The following TGFB1 variants were observed in gnomAD, a reference collection of about 807,000 sequenced individuals.
The protein encoded by TGFB1 is transforming growth factor beta-1 proprotein.
A neutral mutation model predicts 43.8 loss-of-function variants in TGFB1; 19 were observed. The observed-to-expected ratio is 0.43, with a 90% CI of 0.30 to 0.64. The LOEUF (loss-of-function observed/expected upper bound fraction) is 0.64. TGFB1 is among the 30% of genes least tolerant of loss of function. TGFB1 has a pLI of 0.11. For missense variants in TGFB1, 445 were observed against 529.8 expected, an observed-to-expected ratio of 0.84 and a Z score of 1.57; for synonymous variants, 221 against 236.3, an observed-to-expected ratio of 0.94 and a Z score of 0.60.
chr19:41,338,958 C>A (rs1406960443), intron 5 of TGFB1, among the ~76,000 whole-genome samples: 1 of 147,790 alleles, frequency 6.8e-6, no homozygotes, highest in Non-Finnish European at 1.5e-5. Context: ...TTTTTGGTTG[C>A]ATGGGGGGTA....
chr19:41,335,889 G>T (rs1459604136), intron 5 of TGFB1, among the ~76,000 whole-genome samples: 2 of 836 alleles, frequency 2.4e-3, no homozygotes, highest in South Asian at 0.042. Flanking sequence ...TCTACTTAGG[G>T]CCCCAGGGGA....
chr19:41,340,617 A>C (rs1229630683), intron 5 of TGFB1, among the ~76,000 whole-genome samples: 1 of 152,240 alleles, frequency 6.6e-6, no homozygotes, highest in East Asian at 1.9e-4. Flanking sequence ...CCAGCATTCT[A>C]ATATTCTAAC....
At chr19:41,350,884 CAGAT>C (rs1410702655) in intron 1 of TGFB1, 3 of 151,988 alleles carry the variant, frequency 2.0e-5, no homozygotes, top group Admixed American at 6.6e-5. Flanking sequence ...CTGGGGAAGA[CAGAT>C]AGGGAGGAAG....
At position 41,331,225 on chromosome 19, in the gene TGFB1, C is replaced by T; in HGVS notation, c.1015-15G>A. On this transcript the variant is annotated splice_polypyrimidine_tract_variant and intron_variant, in intron 6 of 6. Transcript: ENST00000221930. ...AGGGCCAGGACCTGCGGGCGGCGGGCGGGGTCAGGGCTCAGGGCTCGTGGA... is the reference window on the plus strand; with the variant it reads ...AGGGCCAGGACCTGCGGGCGGCGGGTGGGGTCAGGGCTCAGGGCTCGTGGA... 11 of 1,504,646 alleles carry T rather than the reference C, an allele frequency of 7.3e-6. No homozygotes were observed. Among genetic ancestry groups the T allele is most frequent in the Non-Finnish European group, 8.9e-6 (10 of 1,126,690 alleles). 93.2% of individuals were successfully genotyped at this position (1,504,646 alleles called of 1,614,324 possible).
At chr19:41,338,025 C>G (rs1046775822) in intron 5 of TGFB1, among the ~76,000 whole-genome samples, 1 of 151,640 alleles carries the variant, frequency 6.6e-6, no homozygotes, top group African/African-American at 2.4e-5. Context: ...AACCCCGTCT[C>G]TACTAAAAAT....
Position 41,344,754 on chromosome 19 carries a change from G to A in TGFB1, c.627C>T (p.Ser209=). Residue 209 remains serine (S), a synonymous_variant, in exon 3 of 7, where the codon AGC becomes AGT. Coordinates refer to ENST00000221930, the MANE Select transcript of TGFB1 (RefSeq NM_000660.7). The part of the protein sequence containing the change: ...DVTGVVRQWL[S]RGGEIEGFRL... ...CACACAAGTAATCCTCACCTCCACGGCTCAACCACTGCCGCACAACTCCGG... is the reference window on the plus strand; with the variant it reads ...CACACAAGTAATCCTCACCTCCACGACTCAACCACTGCCGCACAACTCCGG... 3 of 1,613,746 alleles carry A rather than the reference G, an allele frequency of 1.9e-6. No individual in the cohort carries two copies. The highest frequency in any genetic ancestry group is 2.5e-6 in the Non-Finnish European group (3 of 1,179,880).
chr19:41,347,168 A>T (rs1460206069), intron 2 of TGFB1, among the ~76,000 whole-genome samples: 1 of 152,052 alleles, frequency 6.6e-6, no homozygotes, highest in East Asian at 1.9e-4. Flanking sequence ...GACTAGAGGC[A>T]CGCATCACCA....
intron 3 of TGFB1, among the ~76,000 whole-genome samples, chr19:41,344,097 C>T (rs2038089075): frequency 6.6e-6 from 1 of 151,362 alleles, no homozygotes; most frequent in South Asian, 2.1e-4. Context: ...ATTCTCCCAC[C>T]TCAGTCTCCC....
At chr19:41,345,251 C>G (rs186697845) in intron 2 of TGFB1, among the ~76,000 whole-genome samples, 1 of 152,302 alleles carries the variant, frequency 6.6e-6, no homozygotes, top group East Asian at 1.9e-4. Flanking sequence ...AATCCCAGCA[C>G]TTTGGGAGCC....
chr19:41,347,017 C>T (rs755011598), intron 2 of TGFB1, among the ~76,000 whole-genome samples: 3 of 151,560 alleles, frequency 2.0e-5, no homozygotes, highest in Non-Finnish European at 2.9e-5. Context: ...TGAGCCACCA[C>T]GCCTGGCCTA....
At chr19:41,342,084 G>A in intron 4 of TGFB1, 54 bp from the exon 5 acceptor site, 1 of 1,613,912 alleles carries the variant, frequency 6.2e-7, no homozygotes, top group Non-Finnish European at 8.5e-7. Flanking sequence ...ACTCTCAGAG[G>A]GATAGATAAG....
intron 2 of TGFB1, among the ~76,000 whole-genome samples, chr19:41,347,199 T>A (rs1234590313): frequency 6.6e-6 from 1 of 152,008 alleles, no homozygotes; most frequent in South Asian, 2.1e-4. Flanking sequence ...ATTTTAGTAT[T>A]TTTTGTAGAG....
At chr19:41,340,524 G>A (rs1036092501) in intron 5 of TGFB1, among the ~76,000 whole-genome samples, 26 of 152,044 alleles carry the variant, frequency 1.7e-4, no homozygotes, top group South Asian at 6.2e-4. Context: ...TCAGGGATCC[G>A]CCCACCTCAG....
rs559657670 is a variant in TGFB1, at chr19:41,350,606, C to G, written c.355+2084G>C. Among the ~76,000 whole-genome samples the G allele has an allele frequency of 1.9e-3, 285 of 152,282 alleles. 4 individuals are homozygous for G. The highest frequency in any genetic ancestry group is 6.6e-3 in the African/African-American group (273 of 41,552). On this transcript the variant is annotated intron_variant, in intron 1 of 6. Coordinates refer to ENST00000221930, the MANE Select transcript of TGFB1 (RefSeq NM_000660.7). ...TACAGGCGTGAGCCACCGCGCCCAGCCAAGGTATTTTCTAGTTTAGGAAAA... is the reference window on the plus strand; with the variant it reads ...TACAGGCGTGAGCCACCGCGCCCAGGCAAGGTATTTTCTAGTTTAGGAAAA...
chr19:41,340,319 C>T (rs1406288166), intron 5 of TGFB1, among the ~76,000 whole-genome samples: 4 of 146,838 alleles, frequency 2.7e-5, no homozygotes, highest in East Asian at 2.0e-4. Context: ...TGCAGTGGCG[C>T]GATCTCGGTT....
chr19:41,347,017 C>A (rs755011598), intron 2 of TGFB1, among the ~76,000 whole-genome samples: 1 of 151,560 alleles, frequency 6.6e-6, no homozygotes, highest in East Asian at 2.0e-4. Context: ...TGAGCCACCA[C>A]GCCTGGCCTA....
chr19:41,338,747 G>T (rs2038018772), intron 5 of TGFB1, among the ~76,000 whole-genome samples: 1 of 151,328 alleles, frequency 6.6e-6, no homozygotes, highest in African/African-American at 2.4e-5. Context: ...GCTGAAGCAA[G>T]AGAATCACTT....
chr19:41,341,659 C>T (rs1455149052), intron 5 of TGFB1, among the ~76,000 whole-genome samples: 1 of 152,022 alleles, frequency 6.6e-6, no homozygotes, highest in Non-Finnish European at 1.5e-5. Flanking sequence ...ATCCACCTGC[C>T]TCAGCCTCCC....
intron 3 of TGFB1, among the ~76,000 whole-genome samples, chr19:41,343,362 G>A (rs967279164): frequency 1.3e-5 from 2 of 152,060 alleles, no homozygotes; most frequent in Non-Finnish European, 2.9e-5. Flanking sequence ...TCGAACTCCC[G>A]ATCTCAGGTG....
Sources: allele counts gnomAD v4.1 joint callset (sites outside exome capture counted in the v4.1 genomes callset), GRCh38; gene constraint gnomAD v4.1.1; transcripts MANE v1.5; gene names NCBI Gene and HGNC (gene_info 2026-07-23, HGNC 2026-07-21).